Variants in CIMAP1D observed in about 807,000 individuals in gnomAD.
CIMAP1D encodes the protein protein CIMAP1D.
the CIMAP1D span, among the ~76,000 whole-genome samples, chr19:481,215 G>A: frequency 9.0e-6 from 1 of 110,938 alleles, no homozygotes; most frequent in African/African-American, 6.9e-5. Flanking sequence ...ATGATGAGAA[G>A]GATGATGGGG....
the CIMAP1D span, among the ~76,000 whole-genome samples, chr19:473,287 G>C: frequency 5.1e-5 from 1 of 19,634 alleles, no homozygotes; most frequent in Non-Finnish European, 7.9e-5. Flanking sequence ...GGTCACAGAT[G>C]GGGAAACTGA....
At chr19:476,654 C>T in the CIMAP1D span, among the ~76,000 whole-genome samples, 1 of 152,110 alleles carries the variant, frequency 6.6e-6, no homozygotes, top group Non-Finnish European at 1.5e-5. Context: ...ACATATCAAA[C>T]TTTTGAAACT....
the CIMAP1D span, among the ~76,000 whole-genome samples, chr19:477,506 C>T: frequency 2.7e-5 from 4 of 146,862 alleles, no homozygotes; most frequent in East Asian, 2.0e-4. Context: ...CCCGCTTGAA[C>T]CCTGGAGGTG....
the CIMAP1D span, among the ~76,000 whole-genome samples, chr19:477,254 G>A: frequency 3.3e-5 from 5 of 152,156 alleles, no homozygotes; most frequent in South Asian, 2.1e-4. Context: ...GATAACAGTA[G>A]AAATCCATGA....
the CIMAP1D span, among the ~76,000 whole-genome samples, chr19:484,980 G>A: frequency 6.6e-6 from 1 of 152,178 alleles, no homozygotes; most frequent in African/African-American, 2.4e-5. Context: ...GGCACCACGG[G>A]GCCTGGGCTG....
At chr19:471,277 T>C in the CIMAP1D span, among the ~76,000 whole-genome samples, 7 of 151,154 alleles carry the variant, frequency 4.6e-5, 1 homozygote, top group Non-Finnish European at 1.0e-4. Context: ...GCTTCCCGAA[T>C]AGCTGGGACT....
the CIMAP1D span, among the ~76,000 whole-genome samples, chr19:484,796 G>A: frequency 6.6e-6 from 1 of 152,200 alleles, no homozygotes; most frequent in Non-Finnish European, 1.5e-5. Context: ...AGGTCGTGAA[G>A]GGCCCTGAGG....
At chr19:467,821 C>T in the CIMAP1D span, 1 of 1,149,840 alleles carries the variant, frequency 8.7e-7, no homozygotes, top group Non-Finnish European at 1.3e-6. Context: ...TGCCCCACCG[C>T]CCGGCCTCAG....
At chr19:467,289 A>T in the CIMAP1D span, among the ~76,000 whole-genome samples, 1 of 151,502 alleles carries the variant, frequency 6.6e-6, no homozygotes, top group African/African-American at 2.4e-5. Context: ...GGTGGATGGG[A>T]GAATGGAGTC....
At chr19:491,618 C>T in the CIMAP1D span, among the ~76,000 whole-genome samples, 1 of 151,738 alleles carries the variant, frequency 6.6e-6, no homozygotes, top group African/African-American at 2.4e-5. Context: ...CTTCCCCAGG[C>T]AGAGCCGGCC....
the CIMAP1D span, among the ~76,000 whole-genome samples, chr19:487,520 T>A: frequency 6.6e-6 from 1 of 152,280 alleles, no homozygotes; most frequent in East Asian, 1.9e-4. Context: ...AATAAAGATG[T>A]GCTGGCAGGG....
At chr19:467,311 T>C in the CIMAP1D span, among the ~76,000 whole-genome samples, 1 of 151,694 alleles carries the variant, frequency 6.6e-6, no homozygotes, top group Non-Finnish European at 1.5e-5. Flanking sequence ...GGCAGGTGTG[T>C]CAGGTGTGCG....
chr19:486,836 C>G, the CIMAP1D span, among the ~76,000 whole-genome samples: 1 of 151,964 alleles, frequency 6.6e-6, no homozygotes, highest in Admixed American at 6.6e-5. Flanking sequence ...ATGACGTGAA[C>G]CCGGGAGGCG....
At chr19:478,307 T>C in the CIMAP1D span, among the ~76,000 whole-genome samples, 1 of 97,946 alleles carries the variant, frequency 1.0e-5, no homozygotes, top group South Asian at 4.5e-4. Context: ...GGTCACCAGG[T>C]CCAGGCCACA....
chr19:472,327 C>T, the CIMAP1D span: 1 of 918,854 alleles, frequency 1.1e-6, no homozygotes, highest in Non-Finnish European at 1.6e-6. Context: ...TAAGGAGACC[C>T]ATCAGTGCTC....
chr19:471,735 G>A, the CIMAP1D span, among the ~76,000 whole-genome samples: 1 of 119,422 alleles, frequency 8.4e-6, no homozygotes, highest in African/African-American at 3.4e-5. Flanking sequence ...TGTTACTATT[G>A]TTAACTTTTT....
At chr19:468,616 A>G in the CIMAP1D span, among the ~76,000 whole-genome samples, 120,700 of 152,070 alleles carry the variant, frequency 0.79, 47,950 homozygotes, top group East Asian at 0.94. Flanking sequence ...GTGGCCTTGC[A>G]CTTCCCGATT....
chr19:465,585 AGGTG>A, the CIMAP1D span, among the ~76,000 whole-genome samples: 4 of 106,556 alleles, frequency 3.8e-5, no homozygotes, highest in African/African-American at 1.5e-4. Context: ...ATGGGCAGGC[AGGTG>A]GGTGGGTGGA....
the CIMAP1D span, chr19:463,809 A>AG: frequency 6.8e-7 from 1 of 1,473,776 alleles, no homozygotes; most frequent in Non-Finnish European, 8.9e-7. Flanking sequence ...GAGGCCCGCC[A>AG]GCCCCCCGTT....
Sources: allele counts gnomAD v4.1 joint callset (sites outside exome capture counted in the v4.1 genomes callset), GRCh38; gene constraint gnomAD v4.1.1; transcripts MANE v1.5; gene names NCBI Gene and HGNC (gene_info 2026-07-23, HGNC 2026-07-21).